CACNA1H: variants seen among roughly 807,000 people sequenced by gnomAD.
CACNA1H encodes the protein calcium voltage-gated channel subunit alpha1 H, also known as voltage-dependent T-type calcium channel subunit alpha-1H.
In CACNA1H, 149 loss-of-function variants were observed where a neutral mutation model predicts 192.5. That is an observed-to-expected ratio of 0.77 (90% CI 0.68 to 0.89). The LOEUF is 0.89. Ranked by LOEUF, CACNA1H falls within the 40% of genes least tolerant of loss-of-function variation. The pLI, the probability that CACNA1H is intolerant of heterozygous loss-of-function variation, is 0.00. For synonymous variants in CACNA1H, 2,202 were observed against 1,475.2 expected, an observed-to-expected ratio of 1.49 and a Z score of -11.29; for missense variants, 4,257 against 3,423.5, an observed-to-expected ratio of 1.24 and a Z score of -6.08.
At chr16:1,196,127 A>T in intron 5 of CACNA1H, 104 bp downstream of exon 5, 2 of 929,086 alleles carry the variant, frequency 2.2e-6, no homozygotes, top group Non-Finnish European at 3.4e-6. Flanking sequence ...CTGGGAAATG[A>T]AGGTTACCAG....
chr16:1,154,782 T>A (rs552448248), intron 2 of CACNA1H, among the ~76,000 whole-genome samples: 2 of 152,244 alleles, frequency 1.3e-5, no homozygotes, highest in South Asian at 2.1e-4. Flanking sequence ...CAGAGAAGGT[T>A]CCAGAACAGA....
intron 10 of CACNA1H, 68 bp downstream of exon 10, chr16:1,204,526 G>A (rs1422826522): frequency 1.6e-6 from 2 of 1,277,378 alleles, no homozygotes; most frequent in Non-Finnish European, 2.2e-6. Context: ...GTCTCAGGAG[G>A]CTTCCAGCAG....
intron 2 of CACNA1H, chr16:1,157,218 G>A (rs573826106): frequency 5.3e-5 from 8 of 152,334 alleles, no homozygotes; most frequent in African/African-American, 1.9e-4. Context: ...CGGGCTGTGG[G>A]TGTGTAGGGA....
intron 32 of CACNA1H, 40 bp from the exon 33 acceptor site, chr16:1,218,170 G>T: frequency 6.5e-7 from 1 of 1,537,690 alleles, no homozygotes; most frequent in Non-Finnish European, 8.8e-7. Context: ...GCACCCGCGG[G>T]TGGGTGTGGA....
At chr16:1,190,874 C>G (rs944238212) in intron 2 of CACNA1H, among the ~76,000 whole-genome samples, 2 of 135,294 alleles carry the variant, frequency 1.5e-5, no homozygotes, top group Non-Finnish European at 3.2e-5. Context: ...CACTCGGGGT[C>G]TCTCTGACCC....
intron 2 of CACNA1H, among the ~76,000 whole-genome samples, chr16:1,166,732 CG>C (rs1399649406): frequency 1.6e-4 from 24 of 152,128 alleles, no homozygotes; most frequent in African/African-American, 5.8e-4. Flanking sequence ...GAGCTTTGTG[CG>C]GGCCGGTCGT....
chr16:1,217,806 C>T lies in CACNA1H; in HGVS notation c.5324-113C>T, dbSNP rs559941023. 4.1e-5 allele frequency: 56 copies of T among 1,366,482 alleles called. No homozygotes were observed. In the African/African-American group the frequency reaches 4.5e-4, roughly 11 times the overall value. The allele number at this position is 1,366,482 out of a possible 1,614,324, so 84.6% of individuals were successfully genotyped here. On this transcript the variant is annotated intron_variant, in intron 31 of 34. Coordinates refer to ENST00000348261, the MANE Select transcript of CACNA1H (RefSeq NM_021098.3). Reference sequence around the variant, plus strand: ...ACCGCCAGGGCCTCGTCATCCACATCCTCCGGGCTATCCTGCCTCTGGGCT... The same window carrying T: ...ACCGCCAGGGCCTCGTCATCCACATTCTCCGGGCTATCCTGCCTCTGGGCT...
At chr16:1,196,100 C>A in intron 5 of CACNA1H, 77 bp downstream of exon 5, 1 of 1,144,166 alleles carries the variant, frequency 8.7e-7, no homozygotes, top group Non-Finnish European at 1.3e-6. Flanking sequence ...CTCAAAAGGG[C>A]CCCCAGGAGC....
Position 1,218,933 on chromosome 16 carries a change from G to A in CACNA1H, c.5888-37G>A, listed in dbSNP as rs1027829224. On this transcript the variant is annotated intron_variant, in intron 33 of 34. Coordinates refer to ENST00000348261, the MANE Select transcript of CACNA1H (RefSeq NM_021098.3). ...GGGTGGCAGCTGGGCAGGAAGGCAG[G>A]GGCAGAGCTGCCAGCTTAGATTCTT... 6 of 1,545,984 alleles carry A rather than the reference G, an allele frequency of 3.9e-6. No homozygotes were observed. In the East Asian group the frequency reaches 1.5e-4, roughly 38 times the overall value.
In CACNA1H at chr16:1,153,845, G is replaced by C. The variant is rs28365126; in HGVS notation, c.108G>C (p.Pro36=). 4.5e-4 allele frequency: 596 copies of C among 1,322,040 alleles called. 3 individuals carry two copies. The African/African-American group carries it at 8.6e-3, about 19-fold the overall frequency. The allele number at this position is 1,322,040 out of a possible 1,614,324, so 81.9% of individuals were successfully genotyped here. A position where few individuals can be genotyped will look rare whatever the true frequency, so the allele number is the denominator to read the frequency against. The change falls in exon 2 of 35, where the codon CCG becomes CCC. Residue 36 remains proline, a synonymous_variant. Coordinates refer to ENST00000348261, the MANE Select transcript of CACNA1H (RefSeq NM_021098.3). ...VGASPESPGA[P]GREAERGSEL... ...CGTCCCCGGAGAGCCCCGGGGCGCCGGGACGCGAGGCGGAGCGGGGGTCCG... is the reference window on the plus strand; with the variant it reads ...CGTCCCCGGAGAGCCCCGGGGCGCCCGGACGCGAGGCGGAGCGGGGGTCCG...
intron 2 of CACNA1H, among the ~76,000 whole-genome samples, chr16:1,189,134 G>A (rs1170813496): frequency 6.6e-6 from 1 of 152,214 alleles, no homozygotes; most frequent in Non-Finnish European, 1.5e-5. Context: ...GAGGGAAGTG[G>A]CGGTGTGCAA....
rs761381340 is a variant in CACNA1H, at chr16:1,208,188, C to T, written c.3330C>T (p.Ser1110=). ...ACTCTCGGCGTGGCAGCAGCAGCTC[C>T]GGGGACCCGCCACTGGGAGACCAGA... ...LPDSRRGSSS[S]GDPPLGDQKP... is the part of the protein sequence containing the mutation. The change falls in exon 16 of 35, where the codon TCC becomes TCT. Residue 1110 remains serine, a synonymous_variant. Transcript: ENST00000348261. 7.4e-5 allele frequency: 114 copies of T among 1,544,530 alleles called. No individual in the cohort carries two copies. The highest frequency in any genetic ancestry group is 2.3e-4 in the Middle Eastern group (1 of 4,442).
At chr16:1,177,732 C>T (rs1480919205) in intron 2 of CACNA1H, among the ~76,000 whole-genome samples, 1 of 151,822 alleles carries the variant, frequency 6.6e-6, no homozygotes, top group East Asian at 1.9e-4. Context: ...GGGGCCACTT[C>T]TGGGTGCAGA....
rs777502234 is a variant in CACNA1H, at chr16:1,153,856, C to G, written c.119C>G (p.Ala40Gly). 1.5e-6 allele frequency: 2 copies of G among 1,340,252 alleles called. No individual in the cohort carries two copies. Among genetic ancestry groups the G allele is most frequent in the South Asian group, 3.6e-5 (2 of 55,616 alleles). The allele number at this position is 1,340,252 out of a possible 1,614,324, so 83.0% of individuals were successfully genotyped here. A position where few individuals can be genotyped will look rare whatever the true frequency, so the allele number is the denominator to read the frequency against. ...PESPGAPGREAERGSELGVSP... is the reference protein window; with the variant it reads ...PESPGAPGREGERGSELGVSP... Reference sequence around the variant, plus strand: ...AGCCCCGGGGCGCCGGGACGCGAGGCGGAGCGGGGGTCCGAGCTCGGCGTG... The same window carrying G: ...AGCCCCGGGGCGCCGGGACGCGAGGGGGAGCGGGGGTCCGAGCTCGGCGTG... The change falls in exon 2 of 35, where the codon GCG becomes GGG. Residue 40 changes from alanine (A) to glycine (G), a missense_variant. By Grantham distance (60) the Ala-to-Gly change is moderately conservative (BLOSUM62 0). Transcript: ENST00000348261.
At position 1,220,845 on chromosome 16, in the gene CACNA1H, C is replaced by T. The variant is rs553649904; in HGVS notation, c.6913C>T (p.Pro2305Ser). 6.2e-7 allele frequency: 1 copy of T among 1,612,770 alleles called. No homozygotes were observed. The highest frequency in any genetic ancestry group is 1.7e-5 in the Admixed American group (1 of 60,018). The change falls in exon 35 of 35, where the codon CCC becomes TCC. Residue 2305 changes from proline (P) to serine (S), a missense_variant. Physicochemically the swap from Pro to Ser is moderately conservative, Grantham distance 74 (BLOSUM62 -1). Coordinates refer to ENST00000348261, the MANE Select transcript of CACNA1H (RefSeq NM_021098.3). The stretch of plus-strand genomic sequence containing the variant: ...TTCAGGGGCCATAGTGCCCCTGGAA[C>T]CCCCAGAATCAGAGCCTCCCATGCC... The part of the protein sequence containing the change: ...SSSGAIVPLE[P>S]PESEPPMPVG...
In CACNA1H at chr16:1,215,653, G is replaced by C; in HGVS notation, c.5244+60G>C. 4 of 1,404,890 alleles carry C rather than the reference G, an allele frequency of 2.8e-6. No individual in the cohort carries two copies. In the Admixed American group the frequency reaches 7.4e-5, roughly 26 times the overall value. The allele number at this position is 1,404,890 out of a possible 1,614,324, so 87.0% of individuals were successfully genotyped here. A position where few individuals can be genotyped will look rare whatever the true frequency, so the allele number is the denominator to read the frequency against. ...CCCGGAAGACGGGGTTGCAGGGAGC[G>C]CCTCGCCGTCCCCCTCTCCCCCTCA... On this transcript the variant is annotated intron_variant, in intron 30 of 34. Coordinates refer to ENST00000348261, the MANE Select transcript of CACNA1H (RefSeq NM_021098.3).
intron 2 of CACNA1H, among the ~76,000 whole-genome samples, chr16:1,160,389 C>T (rs1361660713): frequency 6.6e-6 from 1 of 152,166 alleles, no homozygotes; most frequent in African/African-American, 2.4e-5. Context: ...TGAAGTCAGC[C>T]GGTCGCGCCC....
intron 18 of CACNA1H, 117 bp downstream of exon 18, chr16:1,210,252 C>G (rs1039961268): frequency 3.2e-6 from 4 of 1,248,116 alleles, no homozygotes; most frequent in Admixed American, 4.0e-5. Flanking sequence ...GGCACCCCTT[C>G]TCACACCGCA....
chr16:1,157,548 G>T (rs370129710), intron 2 of CACNA1H: 1 of 152,266 alleles, frequency 6.6e-6, no homozygotes, highest in Non-Finnish European at 1.5e-5. Flanking sequence ...GAGGGCACCC[G>T]TCTGGAAAGG....
Sources: gnomAD v4.1 joint callset for allele counts (sites outside exome capture counted in the v4.1 genomes callset) on GRCh38, gnomAD v4.1.1 for gene constraint, MANE v1.5 for transcripts, NCBI Gene and HGNC (gene_info 2026-07-23, HGNC 2026-07-21) for gene names.